Variants in HIF3A observed in about 807,000 individuals in gnomAD.
The protein encoded by HIF3A is hypoxia inducible factor 3 subunit alpha.
A neutral mutation model predicts 67.2 loss-of-function variants in HIF3A; 41 were observed. The ratio of observed to expected loss-of-function variants is 0.61; its 90% CI spans 0.48 to 0.79. The LOEUF is 0.79. HIF3A is among the 30% of genes least tolerant of loss of function. The probability of loss-of-function intolerance (pLI) is 0.00; values close to 1 mark genes in which losing one functional copy is unlikely to be tolerated. For missense variants in HIF3A, 855 were observed against 898.0 expected, an observed-to-expected ratio of 0.95 and a Z score of 0.61; for synonymous variants, 356 against 374.8, an observed-to-expected ratio of 0.95 and a Z score of 0.58.
intron 8 of HIF3A, 59 bp downstream of exon 8, chr19:46,312,712 G>GGTT (rs1555780980): frequency 9.1e-6 from 13 of 1,433,550 alleles, no homozygotes; most frequent in Non-Finnish European, 1.0e-5. Context: ...TGTGTGGACA[G>GGTT]GTGTGTGTGT....
At chr19:46,330,042 A>G (rs1971081883) in intron 12 of HIF3A, among the ~76,000 whole-genome samples, 1 of 137,740 alleles carries the variant, frequency 7.3e-6, no homozygotes, top group African/African-American at 2.6e-5. Flanking sequence ...GAAGGAAGGA[A>G]GGGAAGGAGG....
Position 46,320,862 on chromosome 19 carries a change from G to A in HIF3A, c.1144+301G>A, listed in dbSNP as rs1241044713. On this transcript the variant is annotated intron_variant, in intron 9 of 14. Transcript: ENST00000377670. ...GCTGGCCTCTGCTCTAAATCCTGCT[G>A]TGGCTCCACATTGCCCCCACGCTTC... 1.3e-5 allele frequency among the ~76,000 whole-genome samples: 2 copies of A among 152,140 alleles called. 1 individual carries two copies. Among genetic ancestry groups the A allele is most frequent in the Admixed American group, 1.3e-4 (2 of 15,268 alleles).
intron 1 of HIF3A, among the ~76,000 whole-genome samples, chr19:46,300,479 A>G (rs751981953): frequency 2.0e-5 from 3 of 152,102 alleles, no homozygotes; most frequent in Non-Finnish European, 2.9e-5. Flanking sequence ...TGGCCAACAT[A>G]GTGAAACCCT....
intron 9 of HIF3A, 46 bp downstream of exon 9, chr19:46,320,607 C>T: frequency 6.8e-7 from 1 of 1,473,176 alleles, no homozygotes; most frequent in Non-Finnish European, 9.5e-7. Context: ...CCCCAGGGCC[C>T]TTGGGAGAAA....
intron 3 of HIF3A, among the ~76,000 whole-genome samples, chr19:46,307,755 A>AG (rs1307633453): frequency 2.0e-5 from 3 of 151,078 alleles, no homozygotes; most frequent in Non-Finnish European, 4.4e-5. Context: ...CTCAAAAAAA[A>AG]AAAAGAAAAG....
rs1179042473 is a variant in HIF3A at position 46,297,067 on chromosome 19, C to CTG, written c.-9_-8dup. 5 of 1,307,122 alleles carry CTG rather than the reference C, an allele frequency of 3.8e-6. No individual in the cohort carries two copies. 81.0% of individuals were successfully genotyped at this position (1,307,122 alleles called of 1,614,324 possible). A position where few individuals can be genotyped will look rare whatever the true frequency, so the allele number is the denominator to read the frequency against. On this transcript the variant is annotated 5_prime_UTR_variant, in exon 1 of 15. Transcript: ENST00000377670. This position sits in a 1 kb window ranked among gnomAD's most constrained non-coding sequence, Gnocchi z 4.5. ...GCCTCCGAGGGCTCCGGAGCGGCGA[C>CTG]TGGCGAGCCATGGCGCTGGGGCTGC...
intron 8 of HIF3A, among the ~76,000 whole-genome samples, chr19:46,315,787 G>T (rs1969868927): frequency 6.6e-6 from 1 of 152,110 alleles, no homozygotes; most frequent in Non-Finnish European, 1.5e-5. Flanking sequence ...GGTAGCACAT[G>T]CTTGTGACCC....
At chr19:46,337,324 C>T (rs1971699137) in intron 14 of HIF3A, among the ~76,000 whole-genome samples, 1 of 152,110 alleles carries the variant, frequency 6.6e-6, no homozygotes, top group Non-Finnish European at 1.5e-5. Flanking sequence ...GATCACAGCT[C>T]ACTGCAGCCT....
chr19:46,336,065 T>C (rs2147318487), intron 14 of HIF3A, among the ~76,000 whole-genome samples: 1 of 151,162 alleles, frequency 6.6e-6, no homozygotes, highest in Admixed American at 6.6e-5. Context: ...CACATTTTTA[T>C]TTTCTTTCTC....
intron 14 of HIF3A, chr19:46,338,604 C>T (rs1971797474): frequency 1.1e-6 from 1 of 902,868 alleles, no homozygotes; most frequent in Non-Finnish European, 1.4e-6. Flanking sequence ...CTCACCAGTA[C>T]TAGTTATGGT....
intron 8 of HIF3A, among the ~76,000 whole-genome samples, chr19:46,317,356 A>G (rs1970000528): frequency 6.6e-6 from 1 of 152,030 alleles, no homozygotes; most frequent in East Asian, 1.9e-4. Context: ...TGCCAGGCCT[A>G]CAAATCAACT....
intron 13 of HIF3A, among the ~76,000 whole-genome samples, chr19:46,333,030 GTGTGTATATATATGTATATA>G (rs1285353728): frequency 6.7e-6 from 1 of 150,264 alleles, no homozygotes; most frequent in Non-Finnish European, 1.5e-5. Context: ...ATGTATATAT[GTGTGTATATATATGTATATA>G]TGTGTATATA....
At chr19:46,312,010 T>C (rs1030860939) in intron 6 of HIF3A, 151 bp from the exon 7 acceptor site, 8 of 773,728 alleles carry the variant, frequency 1.0e-5, no homozygotes, top group Admixed American at 1.7e-5. Flanking sequence ...ACACTCCTCT[T>C]GTTCTGTTTC....
At chr19:46,298,422 A>G in intron 1 of HIF3A, 1 of 1,278,432 alleles carries the variant, frequency 7.8e-7, no homozygotes, top group Non-Finnish European at 1.0e-6. Context: ...CGCCGTGCGC[A>G]CCCACTCGTA....
chr19:46,335,080 G>C, intron 14 of HIF3A, 94 bp downstream of exon 14: 1 of 936,046 alleles, frequency 1.1e-6, no homozygotes, highest in Non-Finnish European at 1.6e-6. Context: ...CTGGGGGACT[G>C]TCAGTGCTTG....
At chr19:46,308,470 G>A in intron 4 of HIF3A, 165 bp downstream of exon 4, 2 of 640,648 alleles carry the variant, frequency 3.1e-6, no homozygotes. Flanking sequence ...CCCTGCCCTG[G>A]GGGGGTCTGA....
chr19:46,310,832 C>T (rs549725033), intron 6 of HIF3A: 479 of 276,384 alleles, frequency 1.7e-3, no homozygotes, highest in Non-Finnish European at 2.7e-3. Flanking sequence ...CCCACTGCAA[C>T]GTCCACCTCC....
intron 1 of HIF3A, chr19:46,298,353 G>C: frequency 7.8e-7 from 1 of 1,281,040 alleles, no homozygotes; most frequent in Non-Finnish European, 1.0e-6. Context: ...CCTCTTGGCT[G>C]AGCTCGGGTG....
intron 8 of HIF3A, chr19:46,312,882 A>ATTTTTTTTTT (rs531816670): frequency 1.7e-4 from 152 of 878,584 alleles, no homozygotes; most frequent in Admixed American, 2.2e-4. Flanking sequence ...TAGACTGTTA[A>ATTTTTTTTTT]TTTTTTTTTT....
Sources: gnomAD v4.1 joint callset for allele counts (sites outside exome capture counted in the v4.1 genomes callset) on GRCh38, gnomAD v4.1.1 for gene constraint, Gnocchi (gnomAD v3.1) non-coding constraint, MANE v1.5 for transcripts, NCBI Gene and HGNC (gene_info 2026-07-23, HGNC 2026-07-21) for gene names.